The following DLC1 variants were observed in gnomAD, a reference collection of about 807,000 sequenced individuals.
The protein encoded by DLC1 is rho GTPase-activating protein 7.
A neutral mutation model predicts 140.3 loss-of-function variants in DLC1; 54 were observed. The ratio of observed to expected loss-of-function variants is 0.38; its 90% CI spans 0.31 to 0.48. The LOEUF (loss-of-function observed/expected upper bound fraction) is 0.48. Among genes scored for constraint, DLC1 ranks in the 20% least tolerant of loss-of-function variants. DLC1 has a pLI of 0.96. For synonymous variants in DLC1, 986 were observed against 728.1 expected (o/e 1.35, Z -5.70); for missense variants, 2,536 against 1,907.0 (o/e 1.33, Z -6.14).
chr8:13,459,139 G>C (rs956440483), intron 2 of DLC1, among the ~76,000 whole-genome samples: 2 of 152,122 alleles, frequency 1.3e-5, no homozygotes, highest in African/African-American at 4.8e-5. Flanking sequence ...AAATTCTCTT[G>C]AACTTTTAGA....
intron 1 of DLC1, among the ~76,000 whole-genome samples, chr8:13,595,555 C>T (rs1805655273): frequency 6.6e-6 from 1 of 151,908 alleles, no homozygotes; most frequent in Admixed American, 6.6e-5. Flanking sequence ...TATCTTTAAT[C>T]TTGAGTTCTT....
intron 1 of DLC1, among the ~76,000 whole-genome samples, chr8:13,577,364 C>G (rs1236129745): frequency 2.0e-5 from 3 of 152,122 alleles, no homozygotes; most frequent in Non-Finnish European, 4.4e-5. Context: ...TCCGTGTCCA[C>G]AGAACATGTT....
chr8:13,390,005 C>T (rs1203357251), intron 4 of DLC1, among the ~76,000 whole-genome samples: 1 of 152,154 alleles, frequency 6.6e-6, no homozygotes, highest in Admixed American at 6.5e-5. Context: ...TTTTCTCTCT[C>T]TTCATAAAGT....
chr8:13,129,590 A>G (rs1821909124), intron 5 of DLC1, among the ~76,000 whole-genome samples: 1 of 152,224 alleles, frequency 6.6e-6, no homozygotes, highest in African/African-American at 2.4e-5. Flanking sequence ...TAAAGAAATT[A>G]GTTCTCTCCC....
chr8:13,473,442 GCTT>G (rs1251637517), intron 2 of DLC1, among the ~76,000 whole-genome samples: 1 of 152,134 alleles, frequency 6.6e-6, no homozygotes, highest in Non-Finnish European at 1.5e-5. Flanking sequence ...GATGTGACTT[GCTT>G]CTTCTTCCTT....
At chr8:13,386,003 C>A (rs1185595112) in intron 4 of DLC1, among the ~76,000 whole-genome samples, 1 of 152,174 alleles carries the variant, frequency 6.6e-6, no homozygotes, top group East Asian at 1.9e-4. Flanking sequence ...GAATTATACT[C>A]TTGGTTGCTA....
At chr8:13,348,177 A>G (rs896459675) in intron 4 of DLC1, among the ~76,000 whole-genome samples, 3 of 152,166 alleles carry the variant, frequency 2.0e-5, no homozygotes, top group Non-Finnish European at 4.4e-5. Context: ...TCTTGTGTAT[A>G]TGTGGAGGGA....
At chr8:13,547,634 C>T (rs539113019) in intron 1 of DLC1, among the ~76,000 whole-genome samples, 26 of 152,122 alleles carry the variant, frequency 1.7e-4, no homozygotes, top group African/African-American at 5.8e-4. Context: ...ACAGTTTATG[C>T]ATTAAGAAGG....
At chr8:13,250,628 T>A (rs1829963443) in intron 5 of DLC1, among the ~76,000 whole-genome samples, 2 of 152,180 alleles carry the variant, frequency 1.3e-5, no homozygotes, top group South Asian at 4.1e-4. Flanking sequence ...TTAAGTTGAA[T>A]AAATTTAATA....
chr8:13,475,871 A>G (rs1460251412), intron 2 of DLC1, among the ~76,000 whole-genome samples: 1 of 152,222 alleles, frequency 6.6e-6, no homozygotes, highest in Non-Finnish European at 1.5e-5. Context: ...GCAGACTCTT[A>G]AGACGAGAAT....
intron 5 of DLC1, among the ~76,000 whole-genome samples, chr8:13,146,146 G>A (rs375101289): frequency 2.6e-5 from 4 of 151,984 alleles, no homozygotes; most frequent in African/African-American, 9.7e-5. Flanking sequence ...ATAGTCGTGT[G>A]TGCATGTAGT....
rs1490321348 is a variant in DLC1 at position 13,123,945 on chromosome 8, T to A, written c.1349-8288A>T. Among the ~76,000 whole-genome samples, 5 of 152,228 alleles carry A rather than the reference T, an allele frequency of 3.3e-5. No homozygotes were observed. The East Asian group carries it at 7.7e-4, about 23-fold the overall frequency. On this transcript the variant is annotated intron_variant, in intron 5 of 17. Transcript: ENST00000276297. ...CATGGTACACACATATACATGTATG[T>A]ACATGTATATATGTGTGTATAAATA...
chr8:13,316,122 G>A (rs1381542416), intron 4 of DLC1, among the ~76,000 whole-genome samples: 3 of 152,168 alleles, frequency 2.0e-5, no homozygotes, highest in African/African-American at 4.8e-5. Flanking sequence ...GACACAAGTG[G>A]TTAGGGACAG....
At chr8:13,274,083 T>C (rs1831063930) in intron 5 of DLC1, among the ~76,000 whole-genome samples, 1 of 152,198 alleles carries the variant, frequency 6.6e-6, no homozygotes, top group African/African-American at 2.4e-5. Flanking sequence ...GTAGGACATA[T>C]AACAAAGATT....
chr8:13,093,817 G>C (rs1818283342), intron 12 of DLC1, among the ~76,000 whole-genome samples: 1 of 152,162 alleles, frequency 6.6e-6, no homozygotes, highest in Non-Finnish European at 1.5e-5. Context: ...GCTAAGAGAG[G>C]CTGCTTTTAA....
intron 2 of DLC1, among the ~76,000 whole-genome samples, chr8:13,491,083 C>A (rs1026590554): frequency 7.5e-5 from 11 of 147,010 alleles, no homozygotes; most frequent in African/African-American, 2.7e-4. Context: ...TGAATATATA[C>A]ATATTCAAAT....
chr8:13,354,898 C>T (rs979178841), intron 4 of DLC1, among the ~76,000 whole-genome samples: 9 of 146,840 alleles, frequency 6.1e-5, no homozygotes, highest in East Asian at 6.0e-4. Context: ...GAGGCTGCAG[C>T]GGGCCGAGAA....
At chr8:13,603,041 C>G (rs1805939775) in intron 1 of DLC1, among the ~76,000 whole-genome samples, 1 of 151,804 alleles carries the variant, frequency 6.6e-6, no homozygotes, top group African/African-American at 2.4e-5. Flanking sequence ...GATAACCCAA[C>G]TGTTGATATG....
intron 5 of DLC1, among the ~76,000 whole-genome samples, chr8:13,159,049 C>T (rs1824488592): frequency 6.6e-6 from 1 of 152,070 alleles, no homozygotes; most frequent in Admixed American, 6.6e-5. Flanking sequence ...GTGAAGCAGG[C>T]AGAGATAGGA....
Sources: gnomAD v4.1 joint callset for allele counts (sites outside exome capture counted in the v4.1 genomes callset) on GRCh38, gnomAD v4.1.1 for gene constraint, MANE v1.5 for transcripts, NCBI Gene and HGNC (gene_info 2026-07-23, HGNC 2026-07-21) for gene names.